UTRN: variants seen among roughly 807,000 people sequenced by gnomAD.
The protein encoded by UTRN is dystrophin-related protein 1.
UTRN carries 283 observed loss-of-function variants against 463.9 expected under a neutral mutation model. The observed-to-expected ratio is 0.61, with a 90% confidence interval of 0.55 to 0.67. The LOEUF is 0.67. Ranked by LOEUF, UTRN falls within the 30% of genes least tolerant of loss-of-function variation. The probability of loss-of-function intolerance (pLI) is 0.00; values close to 1 mark genes in which losing one functional copy is unlikely to be tolerated. For missense variants in UTRN, 3,922 were observed against 4,084.3 expected (o/e 0.96, Z 1.08); for synonymous variants, 1,442 against 1,431.5 (o/e 1.01, Z -0.17).
intron 51 of UTRN, among the ~76,000 whole-genome samples, chr6:144,665,432 T>G (rs1406459299): frequency 6.6e-6 from 1 of 152,214 alleles, no homozygotes; most frequent in Non-Finnish European, 1.5e-5. Context: ...AAGCTACTAC[T>G]TGTAGCTTTA....
chr6:144,545,806 G>A lies in UTRN; in HGVS notation c.6596-2834G>A, dbSNP rs559359287. ...AGGCCAAGGCGGGTGGATCACCTGAGGTCAGGAGTTCGAGACCAGCCTGGC... is the reference window on the plus strand; with the variant it reads ...AGGCCAAGGCGGGTGGATCACCTGAAGTCAGGAGTTCGAGACCAGCCTGGC... On this transcript the variant is annotated intron_variant, in intron 46 of 74. Transcript: ENST00000367545. Among the ~76,000 whole-genome samples, 4 of 152,314 alleles carry A rather than the reference G, an allele frequency of 2.6e-5. No individual in the cohort carries two copies. In the South Asian group the frequency reaches 8.3e-4, roughly 32 times the overall value.
chr6:144,386,330 G>T (rs976913036), intron 2 of UTRN, among the ~76,000 whole-genome samples: 7 of 152,046 alleles, frequency 4.6e-5, no homozygotes, highest in Admixed American at 3.3e-4. Flanking sequence ...AGGCATGTTG[G>T]CACATGCCCT....
At chr6:144,408,071 G>A (rs1377231458) in intron 3 of UTRN, among the ~76,000 whole-genome samples, 1 of 152,034 alleles carries the variant, frequency 6.6e-6, no homozygotes, top group Non-Finnish European at 1.5e-5. Flanking sequence ...TCCTTATATC[G>A]TGAAGAAATA....
intron 51 of UTRN, 28 bp from the exon 52 acceptor site, chr6:144,678,378 C>T (rs368088663): frequency 1.9e-6 from 3 of 1,599,322 alleles, no homozygotes; most frequent in African/African-American, 1.3e-5. Flanking sequence ...CTAACACTTG[C>T]ATTATCTATT....
intron 51 of UTRN, among the ~76,000 whole-genome samples, chr6:144,622,245 C>T (rs546781645): frequency 1.6e-5 from 2 of 123,888 alleles, no homozygotes; most frequent in Admixed American, 1.1e-4. Flanking sequence ...CTGGAGTACA[C>T]GATCTTGGCT....
At chr6:144,676,503 T>C (rs568841163) in intron 51 of UTRN, among the ~76,000 whole-genome samples, 32 of 152,022 alleles carry the variant, frequency 2.1e-4, no homozygotes, top group Non-Finnish European at 3.5e-4. Flanking sequence ...TTTGGAAGTA[T>C]TTTTGCTGAC....
Position 144,423,626 on chromosome 6 carries a change from T to C in UTRN, c.312T>C (p.Asn104=). 6.2e-7 allele frequency: 1 copy of C among 1,614,202 alleles called. No homozygotes were observed. The highest frequency in any genetic ancestry group is 8.5e-7 in the Non-Finnish European group (1 of 1,180,006). ...NRVLQVLHQN[N]VELVNIGGTD... is the part of the protein sequence containing the mutation. Reference sequence around the variant, plus strand: ...TGCTGCAGGTTTTACATCAGAACAATGTAAGTGTGTAATGTGAGTTCTGGG... The same window carrying C: ...TGCTGCAGGTTTTACATCAGAACAACGTAAGTGTGTAATGTGAGTTCTGGG... Residue 104 remains asparagine (N), a splice_region_variant and synonymous_variant, in exon 5 of 75, where the codon AAT becomes AAC. Coordinates refer to ENST00000367545, the MANE Select transcript of UTRN (RefSeq NM_007124.3).
At chr6:144,319,083 A>T (rs758186912) in intron 2 of UTRN, among the ~76,000 whole-genome samples, 4 of 152,126 alleles carry the variant, frequency 2.6e-5, no homozygotes, top group Non-Finnish European at 4.4e-5. Context: ...TAAAACAAAC[A>T]AAAATAAATT....
rs1024636205 is a variant in UTRN, at chr6:144,607,084, A to C, written c.7479+29796A>C. Among the ~76,000 whole-genome samples the C allele has an allele frequency of 3.3e-5, 5 of 152,374 alleles. No homozygotes were observed. The East Asian group carries it at 9.6e-4, about 29-fold the overall frequency. ...AGGTAAAACTCACTAGTGAATCAAC[A>C]TTTGAATCATTTACTAAGATACATA... On this transcript the variant is annotated intron_variant, in intron 51 of 74. Transcript: ENST00000367545.
At chr6:144,773,756 T>G (rs1775061400) in intron 59 of UTRN, among the ~76,000 whole-genome samples, 1 of 152,228 alleles carries the variant, frequency 6.6e-6, no homozygotes, top group South Asian at 2.1e-4. Context: ...GGCTTCTCCC[T>G]GCAGCATATT....
chr6:144,771,839 T>C (rs1794058403), intron 58 of UTRN, 68 bp from the exon 59 acceptor site: 1 of 1,303,796 alleles, frequency 7.7e-7, no homozygotes, highest in Non-Finnish European at 1.1e-6. Context: ...CTTGGGTATT[T>C]CGTTTTTGGC....
At chr6:144,796,906 A>G (rs1777269135) in intron 63 of UTRN, among the ~76,000 whole-genome samples, 1 of 152,228 alleles carries the variant, frequency 6.6e-6, no homozygotes, top group Non-Finnish European at 1.5e-5. Context: ...GGTTCACAGA[A>G]TGACCTCAAC....
rs530043933 is a variant in UTRN at position 144,550,614 on chromosome 6, CT to C, written c.6811-350del. On this transcript the variant is annotated intron_variant, in intron 47 of 74. Coordinates refer to ENST00000367545, the MANE Select transcript of UTRN (RefSeq NM_007124.3). ...AAGTCATCATCAGCAGCAATAACTGCTAATGTTTTCAGGGCATTTTTCAGCT... is the reference window on the plus strand; with the variant it reads ...AAGTCATCATCAGCAGCAATAACTGCAATGTTTTCAGGGCATTTTTCAGCT... Among the ~76,000 whole-genome samples, 147 of 152,286 alleles carry C rather than the reference CT, an allele frequency of 9.7e-4. 1 individual carries two copies. The highest frequency in any genetic ancestry group is 5.8e-3 in the Admixed American group (89 of 15,290).
intron 60 of UTRN, among the ~76,000 whole-genome samples, chr6:144,780,261 C>G (rs1284668108): frequency 6.6e-6 from 1 of 151,918 alleles, no homozygotes; most frequent in African/African-American, 2.4e-5. Flanking sequence ...ATGTATATAA[C>G]CTTATTTTTT....
At chr6:144,570,907 T>C (rs932583445) in intron 50 of UTRN, among the ~76,000 whole-genome samples, 1 of 152,314 alleles carries the variant, frequency 6.6e-6, no homozygotes, top group African/African-American at 2.4e-5. Context: ...TTCTTGGACA[T>C]TTGCATCCTT....
Position 144,459,474 on chromosome 6 carries a change from T to G in UTRN, c.2707+120T>G, listed in dbSNP as rs79112459. ...CACCAACCTTCTCCATTTTCCTTTG[T>G]GCCTGTATTGTTCAAAGTCTTAAAG... On this transcript the variant is annotated intron_variant, in intron 21 of 74. Coordinates refer to ENST00000367545, the MANE Select transcript of UTRN (RefSeq NM_007124.3). 3.0e-3 allele frequency: 3,359 copies of G among 1,116,690 alleles called. 93 individuals are homozygous for G. The East Asian group carries it at 0.058, about 19-fold the overall frequency. 69.2% of individuals were successfully genotyped at this position (1,116,690 alleles called of 1,614,324 possible). A position where few individuals can be genotyped will look rare whatever the true frequency, so the allele number is the denominator to read the frequency against.
At chr6:144,771,994 T>C in intron 59 of UTRN, 26 bp downstream of exon 59, 1 of 722,410 alleles carries the variant, frequency 1.4e-6, no homozygotes, top group Non-Finnish European at 2.2e-6. Flanking sequence ...AGTAATAAAT[T>C]AACCTAAACA....
rs556795420 is a variant in UTRN, at chr6:144,299,113, A to G, written c.79+7206A>G. Reference sequence around the variant, plus strand: ...CCAGTCAATATGTAGATTTATGCACATGCTTTTATTTTGAAAACTAGGTTT... The same window carrying G: ...CCAGTCAATATGTAGATTTATGCACGTGCTTTTATTTTGAAAACTAGGTTT... On this transcript the variant is annotated intron_variant, in intron 2 of 74. Coordinates refer to ENST00000367545, the MANE Select transcript of UTRN (RefSeq NM_007124.3). Among the ~76,000 whole-genome samples the G allele has an allele frequency of 3.3e-5, 5 of 152,334 alleles. No individual in the cohort carries two copies. In the South Asian group the frequency reaches 6.2e-4, roughly 19 times the overall value.
At chr6:144,291,469 A>G (rs1298509192) in intron 1 of UTRN, among the ~76,000 whole-genome samples, 1 of 152,186 alleles carries the variant, frequency 6.6e-6, no homozygotes, top group African/African-American at 2.4e-5. Flanking sequence ...TGTGCTCTTA[A>G]TACTCTGTGC....
Sources: gnomAD v4.1 joint callset for allele counts (sites outside exome capture counted in the v4.1 genomes callset) on GRCh38, gnomAD v4.1.1 for gene constraint, MANE v1.5 for transcripts, NCBI Gene and HGNC (gene_info 2026-07-23, HGNC 2026-07-21) for gene names.